Variants in PIBF1 observed in about 807,000 individuals in gnomAD.
The protein encoded by PIBF1 is progesterone immunomodulatory binding factor 1.
Under a neutral mutation model 112.5 loss-of-function variants are expected in PIBF1, and 90 were observed. The ratio of observed to expected loss-of-function variants is 0.80; its 90% CI spans 0.67 to 0.95. The LOEUF (loss-of-function observed/expected upper bound fraction) is 0.95. Ranked by LOEUF, PIBF1 falls within the 40% of genes least tolerant of loss-of-function variation. PIBF1 has a pLI of 0.00. For missense variants in PIBF1, 915 were observed against 852.3 expected (o/e 1.07, Z -0.92); for synonymous variants, 301 against 288.6 (o/e 1.04, Z -0.44).
At chr13:72,790,528 TAGATAGATAGATA>T (rs1177806080) in intron 2 of PIBF1, among the ~76,000 whole-genome samples, 1 of 124,520 alleles carries the variant, frequency 8.0e-6, no homozygotes, top group Non-Finnish European at 1.9e-5. Flanking sequence ...GATAGATAGA[TAGATAGATAGATA>T]GATAGATAGA....
intron 14 of PIBF1, among the ~76,000 whole-genome samples, chr13:72,932,372 T>C (rs1305738104): frequency 2.0e-5 from 3 of 152,194 alleles, no homozygotes; most frequent in Admixed American, 6.6e-5. Flanking sequence ...TTTATATTCT[T>C]TAGAGTGTCT....
intron 16 of PIBF1, among the ~76,000 whole-genome samples, chr13:72,993,322 T>A (rs1377553965): frequency 1.3e-5 from 2 of 151,110 alleles, no homozygotes; most frequent in African/African-American, 2.4e-5. Context: ...AAGACCTGTC[T>A]CCAGAAAATA....
intron 17 of PIBF1, among the ~76,000 whole-genome samples, chr13:73,007,648 A>G (rs919396820): frequency 4.6e-5 from 7 of 151,994 alleles, no homozygotes; most frequent in Non-Finnish European, 8.8e-5. Flanking sequence ...CATCTCTACT[A>G]AAAATACAAA....
chr13:72,806,872 A>G (rs775176483), intron 5 of PIBF1, among the ~76,000 whole-genome samples: 8 of 152,160 alleles, frequency 5.3e-5, no homozygotes, highest in African/African-American at 9.7e-5. Context: ...CTTTGGGTAT[A>G]TACCCAGTAA....
At position 72,914,082 on chromosome 13, in the gene PIBF1, C is replaced by A. The variant is rs562663593; in HGVS notation, c.1640-2994C>A. Among the ~76,000 whole-genome samples, 108 of 152,008 alleles carry A rather than the reference C, an allele frequency of 7.1e-4. 1 individual carries two copies. Among genetic ancestry groups the A allele is most frequent in the African/African-American group, 2.6e-3 (108 of 41,470 alleles). ...ATTGTGTACAATTTTCAAAGGCTTGCCATTTAATTCAGGTAATTTCGGCTG... is the reference window on the plus strand; with the variant it reads ...ATTGTGTACAATTTTCAAAGGCTTGACATTTAATTCAGGTAATTTCGGCTG... On this transcript the variant is annotated intron_variant, in intron 12 of 17. Coordinates refer to ENST00000326291, the MANE Select transcript of PIBF1 (RefSeq NM_006346.4).
intron 2 of PIBF1, among the ~76,000 whole-genome samples, chr13:72,785,240 T>C (rs139128219): frequency 7.2e-5 from 11 of 152,330 alleles, no homozygotes; most frequent in East Asian, 3.9e-4. Context: ...AGCATCCTTA[T>C]CTGTTTCATC....
chr13:72,853,286 A>T (rs2138318104), intron 9 of PIBF1, among the ~76,000 whole-genome samples: 1 of 152,278 alleles, frequency 6.6e-6, no homozygotes. Context: ...CACAACTGTT[A>T]AGTAGATGAC....
At chr13:72,863,116 T>A (rs566527108) in intron 10 of PIBF1, among the ~76,000 whole-genome samples, 2 of 152,090 alleles carry the variant, frequency 1.3e-5, no homozygotes, top group East Asian at 1.9e-4. Flanking sequence ...AAACTATAAA[T>A]GGAACAGACT....
chr13:72,930,606 T>C (rs2041667701), intron 13 of PIBF1, among the ~76,000 whole-genome samples: 2 of 152,158 alleles, frequency 1.3e-5, no homozygotes, highest in East Asian at 1.9e-4. Context: ...GAGGGAGTGA[T>C]TTTTTTCTTT....
At chr13:72,845,852 C>G (rs554526928) in intron 9 of PIBF1, among the ~76,000 whole-genome samples, 1 of 152,104 alleles carries the variant, frequency 6.6e-6, no homozygotes, top group Non-Finnish European at 1.5e-5. Flanking sequence ...CACCCCCATA[C>G]TACTCCAACA....
chr13:73,014,066 C>T (rs1296383962), intron 17 of PIBF1, among the ~76,000 whole-genome samples: 1 of 149,126 alleles, frequency 6.7e-6, no homozygotes, highest in Non-Finnish European at 1.5e-5. Context: ...CTCCCCTCCA[C>T]TCCCCTCTCC....
intron 14 of PIBF1, among the ~76,000 whole-genome samples, chr13:72,963,731 GCAA>G (rs1176462971): frequency 5.9e-5 from 9 of 152,020 alleles, no homozygotes; most frequent in Non-Finnish European, 1.0e-4. Flanking sequence ...CTACAACTCA[GCAA>G]CAACAACAAG....
intron 14 of PIBF1, among the ~76,000 whole-genome samples, chr13:72,935,119 G>A (rs2041829570): frequency 6.6e-6 from 1 of 152,100 alleles, no homozygotes. Context: ...CCAAGTAGCT[G>A]GGACTACAGC....
intron 14 of PIBF1, among the ~76,000 whole-genome samples, chr13:72,950,798 G>A (rs1257157720): frequency 1.3e-5 from 2 of 152,132 alleles, no homozygotes; most frequent in African/African-American, 2.4e-5. Context: ...CTGGAGTTGG[G>A]GAGAAACAGA....
In PIBF1 at chr13:72,827,022, A is replaced by C; in HGVS notation, c.819A>C (p.Ala273=). The change falls in exon 7 of 18, where the codon GCA becomes GCC. Residue 273 remains alanine, a synonymous_variant. Transcript: ENST00000326291. ...NYDKVKSERD[A]LEQEVIELRR... is the part of the protein sequence containing the mutation. ...TTTATTTTAACAGTGAACGTGATGC[A>C]CTTGAACAGGAAGTAATTGAGCTTA... The C allele has an allele frequency of 6.3e-7, 1 of 1,595,332 alleles. No individual in the cohort carries two copies. The highest frequency in any genetic ancestry group is 8.6e-7 in the Non-Finnish European group (1 of 1,168,694).
In PIBF1 at chr13:72,857,551, A is replaced by G. The variant is rs116259912; in HGVS notation, c.1322+3396A>G. On this transcript the variant is annotated intron_variant, in intron 10 of 17. Coordinates refer to ENST00000326291, the MANE Select transcript of PIBF1 (RefSeq NM_006346.4). ...TTAAATTCATATTAAAATTATACCT[A>G]TTTTCAGCTGGACATGGTGGCTCAT... Among the ~76,000 whole-genome samples, 1,184 of 152,220 alleles carry G rather than the reference A, an allele frequency of 7.8e-3. 14 individuals are homozygous for G. The highest frequency in any genetic ancestry group is 0.027 in the African/African-American group (1,108 of 41,526).
chr13:72,934,972 T>C (rs1038809232), intron 14 of PIBF1, among the ~76,000 whole-genome samples: 1 of 152,060 alleles, frequency 6.6e-6, no homozygotes, highest in African/African-American at 2.4e-5. Flanking sequence ...TTAGTTTGTT[T>C]GTCTGTCTGT....
At chr13:72,856,532 A>G (rs975939278) in intron 10 of PIBF1, among the ~76,000 whole-genome samples, 3 of 152,216 alleles carry the variant, frequency 2.0e-5, no homozygotes, top group Non-Finnish European at 4.4e-5. Context: ...AGCAGCAAAT[A>G]GAGCTAATGC....
intron 16 of PIBF1, among the ~76,000 whole-genome samples, chr13:72,979,686 G>A (rs1218427933): frequency 6.6e-6 from 1 of 152,276 alleles, no homozygotes; most frequent in African/African-American, 2.4e-5. Context: ...CACTTTCGGA[G>A]GCCGAGGCGG....
Sources: allele counts gnomAD v4.1 joint callset (sites outside exome capture counted in the v4.1 genomes callset), GRCh38; gene constraint gnomAD v4.1.1; transcripts MANE v1.5; gene names NCBI Gene and HGNC (gene_info 2026-07-23, HGNC 2026-07-21).